The following CIC variants were observed in gnomAD, a reference collection of about 807,000 sequenced individuals.
The protein encoded by CIC is protein capicua homolog.
Under a neutral mutation model 115.7 loss-of-function variants are expected in CIC, and 18 were observed. The observed-to-expected ratio is 0.16, with a 90% CI of 0.11 to 0.23. The LOEUF (loss-of-function observed/expected upper bound fraction) is 0.23, where lower values mean the gene tolerates loss of function less well. Among genes scored for constraint, CIC ranks in the 10% least tolerant of loss-of-function variants. CIC has a pLI of 1.00. For missense variants in CIC, 2,000 were observed against 2,159.3 expected, an observed-to-expected ratio of 0.93 and a Z score of 1.46; for synonymous variants, 1,076 against 923.0, an observed-to-expected ratio of 1.17 and a Z score of -3.01.
In CIC at chr19:42,289,109, C is replaced by G; in HGVS notation, c.3861+19C>G. On this transcript the variant is annotated intron_variant, in intron 8 of 20. Transcript: ENST00000681038. ...GACGCAGGTCTAGGGTGCAGGCCCCCTAGTGGGGGTGGGCAGGGAACCTGT... is the reference window on the plus strand; with the variant it reads ...GACGCAGGTCTAGGGTGCAGGCCCCGTAGTGGGGGTGGGCAGGGAACCTGT... 6.2e-7 allele frequency: 1 copy of G among 1,613,394 alleles called. No homozygotes were observed. Among genetic ancestry groups the G allele is most frequent in the Non-Finnish European group, 8.5e-7 (1 of 1,180,004 alleles).
At position 42,273,961 on chromosome 19, in the gene CIC, G is replaced by C. The variant is rs2147023880; in HGVS notation, c.2178G>C (p.Gly726=). 2.5e-6 allele frequency: 1 copy of C among 398,818 alleles called. No homozygotes were observed. Among genetic ancestry groups the C allele is most frequent in the African/African-American group, 2.1e-5 (1 of 48,728 alleles). 24.7% of individuals were successfully genotyped at this position (398,818 alleles called of 1,614,324 possible). Residue 726 remains glycine, a synonymous_variant, in exon 2 of 21, where the codon GGG becomes GGC. Coordinates refer to ENST00000681038, the MANE Select transcript of CIC (RefSeq NM_001386298.1). ...TELLPHPGAL[G]APGAGGGGAA... The stretch of plus-strand genomic sequence containing the variant: ...TGTTGCCGCATCCAGGGGCCTTGGG[G>C]GCCCCTGGCGCAGGGGGTGGAGGAG...
intron 7 of CIC, among the ~76,000 whole-genome samples, chr19:42,288,370 G>A (rs1391547644): frequency 1.3e-5 from 2 of 152,168 alleles, no homozygotes; most frequent in African/African-American, 4.8e-5. Context: ...CAGTTCGGCG[G>A]GCCCCCAGCA....
Position 42,294,662 on chromosome 19 carries a change from C to T in CIC, c.7113C>T (p.Ser2371=), listed in dbSNP as rs1420075743. Residue 2371 remains serine, a synonymous_variant, in exon 20 of 21, where the codon TCC becomes TCT. Coordinates refer to ENST00000681038, the MANE Select transcript of CIC (RefSeq NM_001386298.1). ...AGTATGACAAGGTGCCATACTCCTC[C>T]CTGCGGCGCACCCTGGACCAGCGCC... ...ELEYDKVPYS[S]LRRTLDQRRA... 9 of 1,613,702 alleles carry T rather than the reference C, an allele frequency of 5.6e-6. No individual in the cohort carries two copies. The highest frequency in any genetic ancestry group is 1.1e-5 in the South Asian group (1 of 91,082).
At chr19:42,286,391 G>A (rs1305685275) in intron 2 of CIC, among the ~76,000 whole-genome samples, 1 of 152,078 alleles carries the variant, frequency 6.6e-6, no homozygotes, top group African/African-American at 2.4e-5. Flanking sequence ...CATGACGGGG[G>A]TGGGGGTCCC....
At chr19:42,276,671 G>A (rs938437045) in intron 2 of CIC, among the ~76,000 whole-genome samples, 12 of 152,188 alleles carry the variant, frequency 7.9e-5, no homozygotes, top group African/African-American at 2.7e-4. Flanking sequence ...GTTATAGGTG[G>A]TACAAGCAAA....
At position 42,287,646 on chromosome 19, in the gene CIC, G is replaced by A. The variant is rs1317034065; in HGVS notation, c.3411G>A (p.Arg1137=). 6.2e-7 allele frequency: 1 copy of A among 1,614,030 alleles called. No homozygotes were observed. Among genetic ancestry groups the A allele is most frequent in the East Asian group, 2.2e-5 (1 of 44,888 alleles). ...AGCGTCATCCCAACCAGGACAACCG[G>A]ACCGTCAGCAAGATCCTGGGCGAGT... The part of the protein sequence containing the change: ...VHQRHPNQDN[R]TVSKILGEWW... Residue 1137 remains arginine (R), a synonymous_variant, in exon 6 of 21, where the codon CGG becomes CGA. Transcript: ENST00000681038. This position sits in a 1 kb window ranked among gnomAD's most constrained non-coding sequence, Gnocchi z 8.7.
intron 2 of CIC, among the ~76,000 whole-genome samples, chr19:42,279,154 A>T: frequency 6.6e-6 from 1 of 152,224 alleles, no homozygotes; most frequent in East Asian, 1.9e-4. Context: ...GTGGGGAAAA[A>T]GAGGGGCCAA....
In CIC at chr19:42,293,022, A is replaced by G. The variant is rs2038255935; in HGVS notation, c.6263A>G (p.Lys2088Arg). Residue 2088 changes from lysine (K) to arginine (R), a missense_variant, in exon 16 of 21, where the codon AAA becomes AGA. Coordinates refer to ENST00000681038, the MANE Select transcript of CIC (RefSeq NM_001386298.1). Reference protein sequence around the residue: ...AQRPSPKAPQKVKAAIASIPV... With the variant: ...AQRPSPKAPQRVKAAIASIPV... ...CGGCCCAGCCCGAAGGCCCCCCAGA[A>G]AGTGAAGGCAGCCATCGCCAGCATT... The G allele has an allele frequency of 6.2e-7, 1 of 1,613,160 alleles. No homozygotes were observed. The highest frequency in any genetic ancestry group is 1.1e-5 in the South Asian group (1 of 91,068).
At position 42,291,760 on chromosome 19, in the gene CIC, TTC is replaced by T. The variant is rs766305374; in HGVS notation, c.5613+21_5613+22del. ...CCCCCAGCAAGGTGAGGGCCTGCCT[TTC>T]TCTCTACCTGCTGGATGTTGGCCCC... is the stretch of plus-strand genomic sequence containing the variant. On this transcript the variant is annotated intron_variant, in intron 12 of 20. Transcript: ENST00000681038. The T allele has an allele frequency of 2.7e-5, 43 of 1,612,698 alleles. No individual in the cohort carries two copies. Among genetic ancestry groups the T allele is most frequent in the Non-Finnish European group, 3.6e-5 (42 of 1,179,880 alleles).
chr19:42,276,309 T>G (rs1377205153), intron 2 of CIC, among the ~76,000 whole-genome samples: 2 of 152,180 alleles, frequency 1.3e-5, no homozygotes, highest in Non-Finnish European at 2.9e-5. Context: ...AGTAAGATCA[T>G]TATGAACTGT....
rs1429324408 is a variant in CIC, at chr19:42,293,203, G to T, written c.6444G>T (p.Trp2148Cys). 3.1e-6 allele frequency: 5 copies of T among 1,598,332 alleles called. No homozygotes were observed. The highest frequency in any genetic ancestry group is 4.3e-6 in the Non-Finnish European group (5 of 1,173,564). The change falls in exon 16 of 21, where the codon TGG becomes TGT. Residue 2148 changes from tryptophan (W) to cysteine (C), a missense_variant. Physicochemically the swap from Trp to Cys is radical, Grantham distance 215 (BLOSUM62 -2). Coordinates refer to ENST00000681038, the MANE Select transcript of CIC (RefSeq NM_001386298.1). ...CCCCTCCACCCCTGCCAGAGACCTG[G>T]ACTCCCACGGCCCGGAGCAGCCCCC... is the stretch of plus-strand genomic sequence containing the variant. ...PPAPPPLPETWTPTARSSPPL... is the reference protein window; with the variant it reads ...PPAPPPLPETCTPTARSSPPL...
At chr19:42,285,302 C>T (rs1040012400) in intron 2 of CIC, among the ~76,000 whole-genome samples, 1 of 152,126 alleles carries the variant, frequency 6.6e-6, no homozygotes, top group Non-Finnish European at 1.5e-5. Context: ...TGCTGGGTCC[C>T]TTTTCCCCAC....
chr19:42,291,013 C>T lies in CIC; in HGVS notation c.4972C>T (p.Leu1658=), dbSNP rs759116200. 6.2e-7 allele frequency: 1 copy of T among 1,613,778 alleles called. No individual in the cohort carries two copies. Among genetic ancestry groups the T allele is most frequent in the Non-Finnish European group, 8.5e-7 (1 of 1,179,990 alleles). ...AGCCCCACACTTGGTGGCTGGACCCCTGCTGGGCACTGTGGGGAAGGCGCC... is the reference window on the plus strand; with the variant it reads ...AGCCCCACACTTGGTGGCTGGACCCTTGCTGGGCACTGTGGGGAAGGCGCC... ...SPAPHLVAGP[L]LGTVGKAPAT... Residue 1658 remains leucine (L), a synonymous_variant, in exon 11 of 21, where the codon CTG becomes TTG. Coordinates refer to ENST00000681038, the MANE Select transcript of CIC (RefSeq NM_001386298.1).
At position 42,290,988 on chromosome 19, in the gene CIC, A is replaced by G. The variant is rs2038053471; in HGVS notation, c.4947A>G (p.Pro1649=). Reference sequence around the variant, plus strand: ...AGAAGTCGGCAGCAGCCACCTCACCAGCCCCACACTTGGTGGCTGGACCCC... The same window carrying G: ...AGAAGTCGGCAGCAGCCACCTCACCGGCCCCACACTTGGTGGCTGGACCCC... ...SDKKSAAATS[P]APHLVAGPLL... Residue 1649 remains proline, a synonymous_variant, in exon 11 of 21, where the codon CCA becomes CCG. Coordinates refer to ENST00000681038, the MANE Select transcript of CIC (RefSeq NM_001386298.1). 6.2e-7 allele frequency: 1 copy of G among 1,613,788 alleles called. No individual in the cohort carries two copies. The highest frequency in any genetic ancestry group is 1.7e-5 in the Admixed American group (1 of 60,032).
In CIC at chr19:42,290,388, T is replaced by C. The variant is rs751301133; in HGVS notation, c.4347T>C (p.Ala1449=). 8.0e-5 allele frequency: 129 copies of C among 1,613,920 alleles called. No individual in the cohort carries two copies. The highest frequency in any genetic ancestry group is 3.3e-4 in the Middle Eastern group (2 of 6,084). ...SAPSSSASSP[A]SSSASAATSF... ...CATCCTCCTCTGCGTCCTCGCCTGC[T>C]TCCTCCTCAGCCTCGGCAGCCACCT... Residue 1449 remains alanine, a synonymous_variant, in exon 11 of 21, where the codon GCT becomes GCC. Transcript: ENST00000681038.
At position 42,293,722 on chromosome 19, in the gene CIC, G is replaced by A. The variant is rs1162455794; in HGVS notation, c.6653G>A (p.Ser2218Asn). The A allele has an allele frequency of 1.9e-6, 3 of 1,612,942 alleles. No individual in the cohort carries two copies. Among genetic ancestry groups the A allele is most frequent in the African/African-American group, 2.7e-5 (2 of 75,078 alleles). The change falls in exon 17 of 21, where the codon AGC becomes AAC. Residue 2218 changes from serine to asparagine, a missense_variant. Physicochemically the swap from Ser to Asn is conservative, Grantham distance 46. This residue lies in a region of CIC where 1,466 missense variants were observed against 1,390.4 expected (regional missense o/e 1.05). Transcript: ENST00000681038. ...PAVAPGGSSE[S>N]SSGRAAGDTP... Reference sequence around the variant, plus strand: ...GTAGCCCCTGGTGGCAGCAGCGAGAGCAGCAGTGGGCGGGCAGCCGGGGAC... The same window carrying A: ...GTAGCCCCTGGTGGCAGCAGCGAGAACAGCAGTGGGCGGGCAGCCGGGGAC...
chr19:42,283,870 C>T (rs541154669), intron 2 of CIC: 1 of 152,056 alleles, frequency 6.6e-6, no homozygotes, highest in Admixed American at 6.5e-5. Flanking sequence ...CCGCCCTGCC[C>T]TTATTTGCAT....
At chr19:42,291,882 C>A in intron 12 of CIC, 137 bp downstream of exon 12, 2 of 1,296,968 alleles carry the variant, frequency 1.5e-6, no homozygotes, top group Non-Finnish European at 2.2e-6. Flanking sequence ...TGTCTCTGTG[C>A]ATCCTGACTC....
chr19:42,284,727 T>A, intron 2 of CIC: 1 of 1,556,082 alleles, frequency 6.4e-7, no homozygotes, highest in Non-Finnish European at 8.7e-7. Context: ...CACAGGCCCC[T>A]GATGCCCGCG....
Sources: gnomAD v4.1 joint callset for allele counts (sites outside exome capture counted in the v4.1 genomes callset) on GRCh38, gnomAD v4.1.1 for gene constraint, gnomAD v4.1.1 regional missense constraint, Gnocchi (gnomAD v3.1) non-coding constraint, MANE v1.5 for transcripts, NCBI Gene and HGNC (gene_info 2026-07-23, HGNC 2026-07-21) for gene names.